Variants in ANKRD44 observed in about 807,000 individuals in gnomAD.
ANKRD44 encodes serine/threonine-protein phosphatase 6 regulatory ankyrin repeat subunit B.
ANKRD44 carries 35 observed loss-of-function variants against 116.0 expected under a neutral mutation model. That is an observed-to-expected ratio of 0.30 (90% confidence interval 0.23 to 0.40). ANKRD44 has a LOEUF of 0.40. Ranked by LOEUF, ANKRD44 falls within the 10% of genes least tolerant of loss-of-function variation. The probability of loss-of-function intolerance (pLI) is 1.00; values close to 1 mark genes in which losing one functional copy is unlikely to be tolerated. For missense variants in ANKRD44, 1,014 were observed against 1,242.6 expected (o/e 0.82, Z 2.77); for synonymous variants, 435 against 461.8 (o/e 0.94, Z 0.74).
At chr2:197,261,284 C>T (rs1317555917) in intron 1 of ANKRD44, among the ~76,000 whole-genome samples, 1 of 151,824 alleles carries the variant, frequency 6.6e-6, no homozygotes, top group African/African-American at 2.4e-5. Flanking sequence ...CCAGTTTCAG[C>T]TTTCTACATA....
intron 1 of ANKRD44, among the ~76,000 whole-genome samples, chr2:197,251,529 TA>T (rs1320945110): frequency 6.6e-6 from 1 of 152,262 alleles, no homozygotes; most frequent in Non-Finnish European, 1.5e-5. Flanking sequence ...TATTTATATT[TA>T]TATTAGTTTA....
intron 16 of ANKRD44, among the ~76,000 whole-genome samples, chr2:197,039,776 C>G (rs58060083): frequency 6.0e-5 from 9 of 150,972 alleles, no homozygotes; most frequent in Non-Finnish European, 1.2e-4. Flanking sequence ...TTAATCAGCC[C>G]TTATCATATC....
chr2:197,204,705 A>C (rs947266476), intron 1 of ANKRD44, among the ~76,000 whole-genome samples: 1 of 152,194 alleles, frequency 6.6e-6, no homozygotes, highest in Non-Finnish European at 1.5e-5. Flanking sequence ...GCCAAACAAA[A>C]CACATCTGTG....
In ANKRD44 at chr2:197,007,935, G is replaced by C. The variant is rs565690399; in HGVS notation, c.2013-12C>G. The C allele has an allele frequency of 7.6e-6, 12 of 1,579,952 alleles. No individual in the cohort carries two copies. The highest frequency in any genetic ancestry group is 1.7e-4 in the Middle Eastern group (1 of 5,980). On this transcript the variant is annotated splice_polypyrimidine_tract_variant and intron_variant, in intron 19 of 27. Transcript: ENST00000282272. ...GCATCAGTGGTGTTCTAGGCAGAGA[G>C]ATAAAGCAGGCTTTTAAAAAGGAGA...
At chr2:197,124,272 C>T (rs1332177087) in intron 6 of ANKRD44, among the ~76,000 whole-genome samples, 1 of 152,082 alleles carries the variant, frequency 6.6e-6, no homozygotes, top group Non-Finnish European at 1.5e-5. Context: ...CATCCCTGCC[C>T]CAACCTACTC....
At chr2:197,079,896 A>G (rs2077755050) in intron 15 of ANKRD44, among the ~76,000 whole-genome samples, 1 of 152,246 alleles carries the variant, frequency 6.6e-6, no homozygotes, top group South Asian at 2.1e-4. Context: ...TTCAATTTCT[A>G]GAAAAACTGA....
intron 1 of ANKRD44, among the ~76,000 whole-genome samples, chr2:197,273,585 T>C (rs2082959997): frequency 6.6e-6 from 1 of 152,004 alleles, no homozygotes; most frequent in African/African-American, 2.4e-5. Context: ...GAGCCTAAGC[T>C]GAAGCTGCCC....
intron 2 of ANKRD44, among the ~76,000 whole-genome samples, chr2:197,160,119 G>C (rs1246079398): frequency 6.6e-6 from 1 of 151,960 alleles, no homozygotes; most frequent in Non-Finnish European, 1.5e-5. Flanking sequence ...ACAAACTCTG[G>C]AGTCAGAATG....
chr2:197,017,296 A>G (rs1303544904), intron 17 of ANKRD44, among the ~76,000 whole-genome samples: 1 of 152,236 alleles, frequency 6.6e-6, no homozygotes, highest in East Asian at 1.9e-4. Context: ...GAAGATTTGT[A>G]GAAAGATACA....
intron 17 of ANKRD44, among the ~76,000 whole-genome samples, chr2:197,024,702 A>G (rs185844381): frequency 3.0e-4 from 46 of 152,252 alleles, no homozygotes; most frequent in African/African-American, 1.1e-3. Flanking sequence ...GAAGACCCTG[A>G]TTTCAAGTCC....
chr2:197,025,996 C>A (rs1574301418), intron 16 of ANKRD44, among the ~76,000 whole-genome samples: 1 of 142,360 alleles, frequency 7.0e-6, no homozygotes, highest in South Asian at 2.3e-4. Flanking sequence ...TTGTTAAAAC[C>A]TTTCTGGTTC....
rs529112636 is a variant in ANKRD44, at chr2:197,226,619, G to A, written c.28-39513C>T. On this transcript the variant is annotated intron_variant, in intron 1 of 27. Coordinates refer to ENST00000282272, the MANE Select transcript of ANKRD44 (RefSeq NM_001195144.2). ...GCAGAGGTTGCAGTGAGCTCAGATC[G>A]ACCACTGCACTCCAGCCTGGCGACA... Among the ~76,000 whole-genome samples, 21 of 151,844 alleles carry A rather than the reference G, an allele frequency of 1.4e-4. 1 individual carries two copies. The highest frequency in any genetic ancestry group is 2.6e-4 in the Admixed American group (4 of 15,240).
In ANKRD44 at chr2:197,289,683, A is replaced by G. The variant is rs560423921; in HGVS notation, c.27+20895T>C. On this transcript the variant is annotated intron_variant, in intron 1 of 27. Coordinates refer to ENST00000282272, the MANE Select transcript of ANKRD44 (RefSeq NM_001195144.2). ...CATCTGTAGTAACAGACAGCAGATC[A>G]GTATTTGCCTAGGATGTAAAGTAGG... Among the ~76,000 whole-genome samples the G allele has an allele frequency of 4.6e-5, 7 of 152,332 alleles. No individual in the cohort carries two copies. The South Asian group carries it at 8.3e-4, about 18-fold the overall frequency.
downstream of ANKRD44, among the ~76,000 whole-genome samples, chr2:196,982,380 C>T (rs1184099798): frequency 1.3e-5 from 2 of 152,028 alleles, no homozygotes; most frequent in East Asian, 1.9e-4. Flanking sequence ...AGGTAAAGTT[C>T]GCCTTGAAGT....
Position 197,032,305 on chromosome 2 carries a change from G to A in ANKRD44, c.1651-7038C>T, listed in dbSNP as rs79103229. On this transcript the variant is annotated intron_variant, in intron 16 of 27. Coordinates refer to ENST00000282272, the MANE Select transcript of ANKRD44 (RefSeq NM_001195144.2). ...AGGCATATTAGGATATTTCAACTGCGGGATTTCTAAACTGTGAATTAATAA... is the reference window on the plus strand; with the variant it reads ...AGGCATATTAGGATATTTCAACTGCAGGATTTCTAAACTGTGAATTAATAA... Among the ~76,000 whole-genome samples, 526 of 152,212 alleles carry A rather than the reference G, an allele frequency of 3.5e-3. 4 individuals carry two copies. The highest frequency in any genetic ancestry group is 0.012 in the African/African-American group (479 of 41,504).
intron 2 of ANKRD44, among the ~76,000 whole-genome samples, chr2:197,159,022 C>T (rs977290557): frequency 2.2e-4 from 34 of 151,872 alleles, no homozygotes; most frequent in African/African-American, 7.8e-4. Flanking sequence ...CACACATACA[C>T]ACGGTATTAG....
Position 197,151,081 on chromosome 2 carries a change from CTTT to C in ANKRD44, c.112-3979_112-3977del, listed in dbSNP as rs548163806. On this transcript the variant is annotated intron_variant, in intron 2 of 27. Transcript: ENST00000282272. ...ATTGCCTGTATAGTCTGGGAATTTA[CTTT>C]TTTTTTTTTAATCCAGGAACTTTCA... 6.8e-5 allele frequency among the ~76,000 whole-genome samples: 9 copies of C among 132,752 alleles called. No homozygotes were observed. The East Asian group carries it at 1.9e-3, about 28-fold the overall frequency. 87.1% of individuals were successfully genotyped at this position (132,752 alleles called of 152,430 possible).
Position 197,073,476 on chromosome 2 carries a change from T to C in ANKRD44, c.1650+5227A>G, listed in dbSNP as rs543950324. Among the ~76,000 whole-genome samples the C allele has an allele frequency of 7.8e-4, 119 of 152,308 alleles. No homozygotes were observed. The South Asian group carries it at 0.023, about 30-fold the overall frequency. ...ATTGGGAAATATATACTTTGACCCA[T>C]CATTTCTGAGAGTGGAGTGATTTCC... On this transcript the variant is annotated intron_variant, in intron 16 of 27. Transcript: ENST00000282272.
chr2:197,187,089 T>C lies in ANKRD44; in HGVS notation c.45A>G (p.Ala15=), dbSNP rs2080695725. ...TCTCCTCTGGATCACCGCTGAAGAT[T>C]GCCTGAACCAATGGTGGCTGCAAAC... The part of the protein sequence containing the change: ...KLTDQPPLVQ[A]IFSGDPEEIR... The change falls in exon 2 of 28, where the codon GCA becomes GCG. Residue 15 remains alanine, a synonymous_variant. Coordinates refer to ENST00000282272, the MANE Select transcript of ANKRD44 (RefSeq NM_001195144.2). 1 of 1,614,158 alleles carries C rather than the reference T, an allele frequency of 6.2e-7. No homozygotes were observed. The highest frequency in any genetic ancestry group is 8.5e-7 in the Non-Finnish European group (1 of 1,180,002).
Sources: allele counts gnomAD v4.1 joint callset (sites outside exome capture counted in the v4.1 genomes callset), GRCh38; gene constraint gnomAD v4.1.1; transcripts MANE v1.5; gene names NCBI Gene and HGNC (gene_info 2026-07-23, HGNC 2026-07-21).